The following IQGAP2 variants were observed in gnomAD, a reference collection of about 807,000 sequenced individuals.
The protein encoded by IQGAP2 is ras GTPase-activating-like protein IQGAP2.
In IQGAP2, 173 loss-of-function variants were observed where a neutral mutation model predicts 201.3. The ratio of observed to expected loss-of-function variants is 0.86; its 90% CI spans 0.76 to 0.98. The LOEUF is 0.98. Ranked by LOEUF, IQGAP2 falls within the 50% of genes least tolerant of loss-of-function variation. The pLI, the probability that IQGAP2 is intolerant of heterozygous loss-of-function variation, is 0.00. For missense variants in IQGAP2, 1,687 were observed against 1,864.8 expected (o/e 0.90, Z 1.76); for synonymous variants, 675 against 673.9 (o/e 1.00, Z -0.03).
chr5:76,477,981 T>C (rs1258719717), intron 2 of IQGAP2, among the ~76,000 whole-genome samples: 4 of 151,966 alleles, frequency 2.6e-5, no homozygotes, highest in African/African-American at 9.7e-5. Flanking sequence ...GTTAAGCTAA[T>C]GAGTCAAAAA....
At chr5:76,475,592 C>T (rs1755369485) in intron 2 of IQGAP2, among the ~76,000 whole-genome samples, 1 of 152,174 alleles carries the variant, frequency 6.6e-6, no homozygotes, top group South Asian at 2.1e-4. Flanking sequence ...GGGAATGTGG[C>T]CACACCTGAA....
chr5:76,681,536 A>G (rs1294040989), intron 28 of IQGAP2, among the ~76,000 whole-genome samples: 6 of 152,032 alleles, frequency 3.9e-5, no homozygotes, highest in Non-Finnish European at 7.4e-5. Context: ...AAAATTTAAA[A>G]AAAAAAAAAC....
chr5:76,581,341 T>C (rs536962656), intron 5 of IQGAP2, among the ~76,000 whole-genome samples: 14 of 152,378 alleles, frequency 9.2e-5, no homozygotes, highest in Non-Finnish European at 1.6e-4. Context: ...TATTTGCATT[T>C]ATAAATAAGA....
chr5:76,560,448 C>T (rs373780340), intron 2 of IQGAP2, among the ~76,000 whole-genome samples: 4 of 152,182 alleles, frequency 2.6e-5, no homozygotes, highest in East Asian at 3.9e-4. Context: ...TGAGCCATAG[C>T]GCCCAGTGTA....
intron 22 of IQGAP2, among the ~76,000 whole-genome samples, chr5:76,667,654 T>C (rs1488250164): frequency 1.3e-5 from 2 of 152,184 alleles, no homozygotes; most frequent in African/African-American, 4.8e-5. Flanking sequence ...CATGGTCTTC[T>C]GGCACTTCCC....
chr5:76,611,090 G>T lies in IQGAP2; in HGVS notation c.1428G>T (p.Leu476Phe), dbSNP rs1198941562. 3 of 1,613,842 alleles carry T rather than the reference G, an allele frequency of 1.9e-6. No homozygotes were observed. The highest frequency in any genetic ancestry group is 2.5e-6 in the Non-Finnish European group (3 of 1,179,778). Residue 476 changes from leucine to phenylalanine, a missense_variant, in exon 13 of 36, where the codon TTG (leucine) becomes TTT (phenylalanine). Physicochemically the swap from Leu to Phe is conservative, Grantham distance 22 (BLOSUM62 0). Coordinates refer to ENST00000274364, the MANE Select transcript of IQGAP2 (RefSeq NM_006633.5). ...ATCCTTTGAGGACTTTAGAAACTTT[G>T]CTCCTACCTACTGCGAATATTAGTG... is the stretch of plus-strand genomic sequence containing the variant. The part of the protein sequence containing the change: ...EGNPLRTLET[L>F]LLPTANISDV...
At chr5:76,504,941 C>A (rs66732343) in intron 2 of IQGAP2, among the ~76,000 whole-genome samples, 40,164 of 151,968 alleles carry the variant, frequency 0.26, 5,428 homozygotes, top group Non-Finnish European at 0.28. Flanking sequence ...GACCCTCCTC[C>A]CCTTAGAGGC....
At chr5:76,420,358 C>T (rs564171878) in intron 1 of IQGAP2, among the ~76,000 whole-genome samples, 11 of 149,932 alleles carry the variant, frequency 7.3e-5, no homozygotes, top group African/African-American at 2.7e-4. Flanking sequence ...ACCATCATCA[C>T]GATCTATCTT....
At chr5:76,441,330 A>G (rs957404600) in intron 1 of IQGAP2, among the ~76,000 whole-genome samples, 4 of 152,196 alleles carry the variant, frequency 2.6e-5, no homozygotes, top group Admixed American at 1.3e-4. Flanking sequence ...CCACTGTGTA[A>G]TCACATTCAT....
Position 76,600,853 on chromosome 5 carries a change from GTTGTCTGCTGTTGCTTTACTAAAC to G in IQGAP2, c.1114_1137del (p.Leu372_Asn379del), listed in dbSNP as rs1747382953. On this transcript the variant is annotated inframe_deletion, in exon 11 of 36. Transcript: ENST00000274364. ...AGGAGCTTTTGATTGCTGTGGAAATGTTGTCTGCTGTTGCTTTACTAAACCAGGCCTTGGAAAGCAACGATCTTG... is the reference window on the plus strand; with the variant it reads ...AGGAGCTTTTGATTGCTGTGGAAATGCAGGCCTTGGAAAGCAACGATCTTG... The G allele has an allele frequency of 1.2e-6, 2 of 1,614,136 alleles. No homozygotes were observed. Among genetic ancestry groups the G allele is most frequent in the Non-Finnish European group, 1.7e-6 (2 of 1,179,984 alleles).
At chr5:76,422,610 C>G (rs1751786766) in intron 1 of IQGAP2, among the ~76,000 whole-genome samples, 1 of 152,162 alleles carries the variant, frequency 6.6e-6, no homozygotes, top group Non-Finnish European at 1.5e-5. Flanking sequence ...CGCAGACAAT[C>G]CTACTTCAGT....
chr5:76,500,967 A>C (rs11743558), intron 2 of IQGAP2, among the ~76,000 whole-genome samples: 7,366 of 152,230 alleles, frequency 0.048, 533 homozygotes, highest in African/African-American at 0.16. Flanking sequence ...TTAGAGTCCA[A>C]GTCTGTGTTT....
intron 20 of IQGAP2, among the ~76,000 whole-genome samples, chr5:76,656,962 C>T (rs1299824225): frequency 1.3e-5 from 2 of 152,074 alleles, no homozygotes; most frequent in Non-Finnish European, 2.9e-5. Flanking sequence ...TGGAATGTCA[C>T]TGAACGCATT....
intron 1 of IQGAP2, among the ~76,000 whole-genome samples, chr5:76,410,208 A>G (rs1484381076): frequency 6.6e-6 from 1 of 152,192 alleles, no homozygotes; most frequent in African/African-American, 2.4e-5. Flanking sequence ...GATGGCGGCA[A>G]TGGGAGGGCT....
Position 76,611,185 on chromosome 5 carries a change from T to G in IQGAP2, c.1521+2T>G, listed in dbSNP as rs757018826. 2 of 1,605,394 alleles carry G rather than the reference T, an allele frequency of 1.2e-6. No individual in the cohort carries two copies. Among genetic ancestry groups the G allele is most frequent in the Non-Finnish European group, 1.7e-6 (2 of 1,176,302 alleles). On this transcript the variant is annotated splice_donor_variant, in intron 13 of 35. Transcript: ENST00000274364. LOFTEE classifies it high-confidence loss of function. ...CATGCTAAATCACAGAAACTCGGAG[T>G]AAGTTTTAGTATATCTGTTTCTTTT...
Position 76,674,049 on chromosome 5 carries a change from G to T in IQGAP2, c.3294+13G>T. 6.7e-7 allele frequency: 1 copy of T among 1,487,652 alleles called. No individual in the cohort carries two copies. The highest frequency in any genetic ancestry group is 1.1e-5 in the South Asian group (1 of 88,344). 92.2% of individuals were successfully genotyped at this position (1,487,652 alleles called of 1,614,324 possible). On this transcript the variant is annotated intron_variant, in intron 26 of 35. Transcript: ENST00000274364. Reference sequence around the variant, plus strand: ...TGAGCTATTAAAGGTAGATTTTCAAGGGTAATCTCACCATAGCTTCTCCTG... The same window carrying T: ...TGAGCTATTAAAGGTAGATTTTCAATGGTAATCTCACCATAGCTTCTCCTG...
rs750641322 is a variant in IQGAP2, at chr5:76,673,926, T to C, written c.3210-26T>C. On this transcript the variant is annotated intron_variant, in intron 25 of 35. Transcript: ENST00000274364. ...TCACTCCGCCTTTTTTCCATTATTT[T>C]CTTTTGTCATCTGTTTTATATGTAG... 22 of 1,327,212 alleles carry C rather than the reference T, an allele frequency of 1.7e-5. No homozygotes were observed. In the African/African-American group the frequency reaches 2.6e-4, roughly 16 times the overall value. The allele number at this position is 1,327,212 out of a possible 1,614,324, so 82.2% of individuals were successfully genotyped here.
intron 30 of IQGAP2, among the ~76,000 whole-genome samples, chr5:76,692,427 C>T (rs1385637494): frequency 1.3e-5 from 2 of 152,224 alleles, no homozygotes; most frequent in South Asian, 2.1e-4. Flanking sequence ...GCTGGGATTA[C>T]AGGAGTGAGC....
intron 13 of IQGAP2, among the ~76,000 whole-genome samples, chr5:76,614,642 A>T (rs1204722207): frequency 1.1e-5 from 1 of 90,472 alleles, no homozygotes; most frequent in African/African-American, 4.5e-5. Context: ...TGGAGACAGG[A>T]TCTTGCTGTG....
Sources: gnomAD v4.1 joint callset for allele counts (sites outside exome capture counted in the v4.1 genomes callset) on GRCh38, gnomAD v4.1.1 for gene constraint, MANE v1.5 for transcripts, NCBI Gene and HGNC (gene_info 2026-07-23, HGNC 2026-07-21) for gene names.